Variants in TMEM183A observed in about 807,000 individuals in gnomAD.
TMEM183A encodes transmembrane protein 183A, also known as chromosome 1 open reading frame 37.
Under a neutral mutation model 46.7 loss-of-function variants are expected in TMEM183A, and 21 were observed. That is an observed-to-expected ratio of 0.45 (90% CI 0.32 to 0.65). TMEM183A has a LOEUF of 0.65. Ranked by LOEUF, TMEM183A falls within the 30% of genes least tolerant of loss-of-function variation. TMEM183A has a pLI of 0.04. For missense variants in TMEM183A, 331 were observed against 481.9 expected, an observed-to-expected ratio of 0.69 and a Z score of 2.93; for synonymous variants, 165 against 180.2, an observed-to-expected ratio of 0.92 and a Z score of 0.68.
chr1:203,013,205 A>C lies in TMEM183A; in HGVS notation c.368-1684A>C, dbSNP rs1226383431. On this transcript the variant is annotated intron_variant, in intron 3 of 7. Transcript: ENST00000367242. The surrounding 1 kb of genome is among the most constrained non-coding windows in gnomAD (Gnocchi z 4.0). ...ATTGGGTCTCTGTTGTGAAGAACCT[A>C]ACCAAATAACCTGATCTAATCATAG... 6.6e-6 allele frequency among the ~76,000 whole-genome samples: 1 copy of C among 152,228 alleles called. No homozygotes were observed. The highest frequency in any genetic ancestry group is 1.5e-5 in the Non-Finnish European group (1 of 68,040).
intron 6 of TMEM183A, among the ~76,000 whole-genome samples, chr1:203,019,383 A>G (rs1016632048): frequency 2.0e-5 from 3 of 152,202 alleles, no homozygotes; most frequent in Non-Finnish European, 4.4e-5. Context: ...CAAAGCTATA[A>G]AAGACATTTT....
At chr1:203,012,932 C>G (rs144363306) in intron 3 of TMEM183A, among the ~76,000 whole-genome samples, 1 of 152,128 alleles carries the variant, frequency 6.6e-6, no homozygotes, top group African/African-American at 2.4e-5. Context: ...GTTGCCCAAG[C>G]CGATCTCGAA....
Position 203,016,081 on chromosome 1 carries a change from C to T in TMEM183A, c.649C>T (p.Arg217Ter), listed in dbSNP as rs1263470049. ...CCATATGTATGAGCCATTTGCTGCT[C>T]GAATCTCCAAGAATCCAGCCATTCC... ...LYHMYEPFAA[R>*]ISKNPAIPES... The change falls in exon 5 of 8, where the codon CGA becomes TGA. Residue 217 changes from arginine (R) to a stop codon, truncating the protein, a stop_gained. Transcript: ENST00000367242. LOFTEE classifies it high-confidence loss of function. 9 of 1,614,040 alleles carry T rather than the reference C, an allele frequency of 5.6e-6. No homozygotes were observed. Among genetic ancestry groups the T allele is most frequent in the Admixed American group, 1.7e-5 (1 of 60,006 alleles).
rs938682666 is a variant in TMEM183A, at chr1:203,024,708, T to C, written c.*1668T>C. The C allele has an allele frequency of 1.3e-5, 2 of 152,278 alleles. No individual in the cohort carries two copies. The highest frequency in any genetic ancestry group is 2.4e-5 in the African/African-American group (1 of 41,542). The allele number at this position is 152,278 out of a possible 1,614,324, so 9.4% of individuals were successfully genotyped here. On this transcript the variant is annotated 3_prime_UTR_variant, in exon 8 of 8. Coordinates refer to ENST00000367242, the MANE Select transcript of TMEM183A (RefSeq NM_138391.6). ...TCTCTACAATTAAAAGTTGCCTCTT[T>C]GAGGCAGGAGGGGAGAAGCACAGTC...
intron 4 of TMEM183A, 63 bp from the exon 5 acceptor site, chr1:203,015,894 TAGA>T (rs766016884): frequency 2.1e-4 from 324 of 1,567,130 alleles, no homozygotes; most frequent in Non-Finnish European, 2.4e-4. Flanking sequence ...CCAGGAGTCT[TAGA>T]AAACTGACCT....
At chr1:203,008,861 T>C (rs763746752) in intron 3 of TMEM183A, 51 bp downstream of exon 3, 18 of 1,479,082 alleles carry the variant, frequency 1.2e-5, no homozygotes, top group Admixed American at 2.3e-5. Context: ...TGGTGACAAA[T>C]TGAAGATGTT....
At chr1:203,018,986 C>T (rs1221437192) in intron 6 of TMEM183A, among the ~76,000 whole-genome samples, 1 of 152,208 alleles carries the variant, frequency 6.6e-6, no homozygotes, top group East Asian at 1.9e-4. Context: ...TAAGTGTCCA[C>T]ATGAATTTTG....
intron 2 of TMEM183A, 135 bp downstream of exon 2, chr1:203,007,998 G>C: frequency 9.5e-7 from 1 of 1,054,906 alleles, no homozygotes; most frequent in Non-Finnish European, 1.3e-6. Flanking sequence ...TTACATATTG[G>C]GGTGGAGGAG....
intron 2 of TMEM183A, 31 bp from the exon 3 acceptor site, chr1:203,008,612 G>A (rs768712686): frequency 2.0e-6 from 3 of 1,474,018 alleles, no homozygotes; most frequent in South Asian, 2.8e-5. Flanking sequence ...GGAGCTGTGT[G>A]CCATCTCATT....
At chr1:203,007,917 T>A (rs1656137929) in intron 2 of TMEM183A, 54 bp downstream of exon 2, 1 of 1,594,720 alleles carries the variant, frequency 6.3e-7, no homozygotes, top group Admixed American at 1.7e-5. Flanking sequence ...GAACTAGGTA[T>A]TTTATTTCTG....
intron 6 of TMEM183A, among the ~76,000 whole-genome samples, chr1:203,019,458 GTGATAA>G (rs921072432): frequency 9.9e-5 from 15 of 152,244 alleles, no homozygotes; most frequent in African/African-American, 3.6e-4. Flanking sequence ...TTTCTTATGG[GTGATAA>G]TGATAATGTG....
At chr1:203,022,718 A>AAG in intron 7 of TMEM183A, 137 bp from the exon 8 acceptor site, 4 of 1,017,876 alleles carry the variant, frequency 3.9e-6, no homozygotes, top group Non-Finnish European at 5.7e-6. Context: ...AAAAAAAAAA[A>AAG]GGTGTTTGTT....
At chr1:203,012,278 C>CACACACACACACACACACACA (rs58503894) in intron 3 of TMEM183A, among the ~76,000 whole-genome samples, 1 of 147,160 alleles carries the variant, frequency 6.8e-6, no homozygotes, top group Non-Finnish European at 1.5e-5. Context: ...CACACACACA[C>CACACACACACACACACACACA]GGTTATTTTG....
intron 3 of TMEM183A, among the ~76,000 whole-genome samples, chr1:203,009,671 CA>C (rs1465788330): frequency 1.3e-5 from 2 of 152,050 alleles, no homozygotes; most frequent in African/African-American, 2.4e-5. Flanking sequence ...TTTGTAGAGA[CA>C]GGGGTCTCAC....
intron 4 of TMEM183A, 61 bp from the exon 5 acceptor site, chr1:203,015,899 A>G: frequency 6.4e-7 from 1 of 1,572,764 alleles, no homozygotes; most frequent in Non-Finnish European, 8.6e-7. Context: ...AGTCTTAGAA[A>G]ACTGACCTAG....
intron 5 of TMEM183A, chr1:203,017,612 G>T: frequency 2.6e-6 from 1 of 388,848 alleles, no homozygotes; most frequent in Non-Finnish European, 3.5e-6. Context: ...GGCCTGCAGT[G>T]GCAGATATCC....
intron 3 of TMEM183A, among the ~76,000 whole-genome samples, chr1:203,011,328 T>C (rs1656558517): frequency 6.6e-6 from 1 of 152,194 alleles, no homozygotes; most frequent in African/African-American, 2.4e-5. Flanking sequence ...TTGGTATCTA[T>C]CTCCTTGTGG....
intron 5 of TMEM183A, among the ~76,000 whole-genome samples, chr1:203,017,370 A>G (rs1297917339): frequency 6.6e-6 from 1 of 152,182 alleles, no homozygotes; most frequent in African/African-American, 2.4e-5. Context: ...GCATTGGGCA[A>G]ACTCCTCATG....
Position 203,023,097 on chromosome 1 carries a change from TC to T in TMEM183A, c.*59del. The T allele has an allele frequency of 9.7e-7, 1 of 1,032,638 alleles. No homozygotes were observed. Among genetic ancestry groups the T allele is most frequent in the Non-Finnish European group, 1.4e-6 (1 of 713,670 alleles). 64.0% of individuals were successfully genotyped at this position (1,032,638 alleles called of 1,614,324 possible). On this transcript the variant is annotated 3_prime_UTR_variant, in exon 8 of 8. Transcript: ENST00000367242. ...GAGTGTAGTCCATTAGTAATCAGAT[TC>T]CAGTTTGGACAGGGTGGCTGGATTG...
Sources: allele counts gnomAD v4.1 joint callset (sites outside exome capture counted in the v4.1 genomes callset), GRCh38; gene constraint gnomAD v4.1.1; non-coding constraint Gnocchi (gnomAD v3.1); transcripts MANE v1.5; gene names NCBI Gene and HGNC (gene_info 2026-07-23, HGNC 2026-07-21).